Variants in KLF8 observed in about 807,000 individuals in gnomAD.
KLF8 encodes the protein Krueppel-like factor 8.
A neutral mutation model predicts 18.2 loss-of-function variants in KLF8; 10 were observed. The observed-to-expected ratio is 0.55, with a 90% CI of 0.34 to 0.93. The LOEUF (loss-of-function observed/expected upper bound fraction) is 0.93. Ranked by LOEUF, KLF8 falls within the 40% of genes least tolerant of loss-of-function variation. KLF8 has a pLI of 0.02. For synonymous variants in KLF8, 109 were observed against 97.3 expected (o/e 1.12, Z -0.71); for missense variants, 264 against 277.9 (o/e 0.95, Z 0.36).
chrX:56,096,224 A>T, the KLF8 span, among the ~76,000 whole-genome samples: 1 of 111,645 alleles, frequency 9.0e-6, no homozygotes, highest in Non-Finnish European at 1.9e-5. Flanking sequence ...ATTCTCACTT[A>T]TAAGTGGGAG....
the KLF8 span, among the ~76,000 whole-genome samples, chrX:55,971,412 C>A: frequency 9.0e-6 from 1 of 110,982 alleles, no homozygotes; most frequent in African/African-American, 3.3e-5. Flanking sequence ...AAAATCAAAT[C>A]AAAATTGATT....
the KLF8 span, among the ~76,000 whole-genome samples, chrX:56,026,982 G>A: frequency 8.7e-4 from 98 of 112,669 alleles, no homozygotes; most frequent in Admixed American, 3.9e-3. Flanking sequence ...GCATTGCTGC[G>A]CTACTGTTTT....
chrX:56,168,725 C>A, the KLF8 span, among the ~76,000 whole-genome samples: 13 of 106,329 alleles, frequency 1.2e-4, no homozygotes, highest in South Asian at 5.9e-3. Context: ...TCAATTCCCA[C>A]CTATGAGTGA....
chrX:56,091,360 C>T, the KLF8 span, among the ~76,000 whole-genome samples: 1 of 110,849 alleles, frequency 9.0e-6, no homozygotes, highest in East Asian at 2.8e-4. Context: ...CTGAGGCCTC[C>T]CCAGCCGTGT....
chrX:56,018,756 T>G, the KLF8 span, among the ~76,000 whole-genome samples: 1 of 111,175 alleles, frequency 9.0e-6, no homozygotes, highest in Non-Finnish European at 1.9e-5. Context: ...ATATTAGCAA[T>G]TCTATATGGT....
At chrX:56,190,726 T>G in the KLF8 span, among the ~76,000 whole-genome samples, 1 of 111,449 alleles carries the variant, frequency 9.0e-6, no homozygotes, top group African/African-American at 3.3e-5. Flanking sequence ...CAATGACCAG[T>G]GAATCAACAA....
the KLF8 span, among the ~76,000 whole-genome samples, chrX:56,064,611 T>C: frequency 8.9e-6 from 1 of 111,766 alleles, no homozygotes; most frequent in African/African-American, 3.3e-5. Context: ...TCTCTATTTA[T>C]CACTGGGGTT....
the KLF8 span, among the ~76,000 whole-genome samples, chrX:56,179,662 C>T: frequency 4.0e-3 from 443 of 111,683 alleles, 2 homozygotes; most frequent in Non-Finnish European, 7.0e-3. Flanking sequence ...TGAGATACAT[C>T]CCATCAATAT....
chrX:55,941,930 T>C, the KLF8 span, among the ~76,000 whole-genome samples: 1 of 111,603 alleles, frequency 9.0e-6, no homozygotes, highest in Non-Finnish European at 1.9e-5. Context: ...GATTGTAAAC[T>C]AGTTCAACCA....
chrX:56,029,844 C>A, the KLF8 span, among the ~76,000 whole-genome samples: 6 of 111,909 alleles, frequency 5.4e-5, no homozygotes, highest in Non-Finnish European at 1.1e-4. Flanking sequence ...ATTGCCACAG[C>A]CAGCAAATCA....
At chrX:56,017,626 T>A in the KLF8 span, among the ~76,000 whole-genome samples, 1 of 111,952 alleles carries the variant, frequency 8.9e-6, no homozygotes, top group East Asian at 2.8e-4. Flanking sequence ...TGTTTGCTAG[T>A]GGGTGTGTGA....
intron 2 of KLF8, among the ~76,000 whole-genome samples, chrX:56,257,086 C>G (rs1323009915): frequency 4.5e-5 from 5 of 111,312 alleles, no homozygotes; most frequent in African/African-American, 1.6e-4. Flanking sequence ...TATAATACTA[C>G]TGGTGTATGG....
the KLF8 span, among the ~76,000 whole-genome samples, chrX:56,152,928 T>C: frequency 8.9e-6 from 1 of 111,929 alleles, no homozygotes; most frequent in Non-Finnish European, 1.9e-5. Context: ...TAGCATAGCA[T>C]AAGAATCCAA....
the KLF8 span, among the ~76,000 whole-genome samples, chrX:56,115,210 T>C: frequency 1.8e-5 from 2 of 111,179 alleles, no homozygotes; most frequent in Admixed American, 1.9e-4. Context: ...GCTCAGGAGT[T>C]TGAAACTAGT....
chrX:55,928,266 A>G, the KLF8 span, among the ~76,000 whole-genome samples: 2 of 112,122 alleles, frequency 1.8e-5, no homozygotes, highest in African/African-American at 6.5e-5. Context: ...TAGGGGGTAC[A>G]TGATATTTAC....
At chrX:56,228,783 C>T (rs757154775), upstream of KLF8, among the ~76,000 whole-genome samples, 1 of 112,000 alleles carries the variant, frequency 8.9e-6, no homozygotes, top group African/African-American at 3.2e-5. Flanking sequence ...GGAATATGCT[C>T]TCTGGGGAAC....
chrX:56,046,952 T>C, the KLF8 span, among the ~76,000 whole-genome samples: 1 of 112,045 alleles, frequency 8.9e-6, no homozygotes, highest in Non-Finnish European at 1.9e-5. Flanking sequence ...TTCCCTCCAA[T>C]ATGTTTTCCA....
the KLF8 span, among the ~76,000 whole-genome samples, chrX:56,187,077 A>G: frequency 8.9e-5 from 10 of 111,808 alleles, no homozygotes; most frequent in Non-Finnish European, 3.8e-5. Context: ...AAATTAATGA[A>G]TCTAGGAGCT....
At chrX:56,140,623 G>A in the KLF8 span, among the ~76,000 whole-genome samples, 1 of 109,647 alleles carries the variant, frequency 9.1e-6, no homozygotes, top group African/African-American at 3.3e-5. Context: ...GTGGGAAGAG[G>A]GTGAAGATCG....
Sources: allele counts gnomAD v4.1 joint callset (sites outside exome capture counted in the v4.1 genomes callset), GRCh38; gene constraint gnomAD v4.1.1; transcripts MANE v1.5; gene names NCBI Gene and HGNC (gene_info 2026-07-23, HGNC 2026-07-21).